Variants in GALNTL5 observed in about 807,000 individuals in gnomAD.
GALNTL5 encodes polypeptide N-acetylgalactosaminyltransferase like 5.
GALNTL5 carries 44 observed loss-of-function variants against 51.0 expected under a neutral mutation model. The ratio of observed to expected loss-of-function variants is 0.86; its 90% CI spans 0.68 to 1.11. The LOEUF (loss-of-function observed/expected upper bound fraction) is 1.11, where lower values mean the gene tolerates loss of function less well. Among genes scored for constraint, GALNTL5 ranks in the 50% least tolerant of loss-of-function variants. GALNTL5 has a pLI of 0.00. For synonymous variants in GALNTL5, 192 were observed against 182.8 expected, an observed-to-expected ratio of 1.05 and a Z score of -0.41; for missense variants, 528 against 531.8, an observed-to-expected ratio of 0.99 and a Z score of 0.07.
chr7:152,012,607 G>A (rs1403987133), intron 7 of GALNTL5, among the ~76,000 whole-genome samples: 2 of 152,194 alleles, frequency 1.3e-5, no homozygotes, highest in Non-Finnish European at 2.9e-5. Flanking sequence ...ACACATGCAT[G>A]CCTATGTTCT....
intron 6 of GALNTL5, among the ~76,000 whole-genome samples, chr7:152,007,003 A>G (rs533187792): frequency 5.1e-4 from 78 of 152,168 alleles, no homozygotes; most frequent in African/African-American, 1.6e-3. Flanking sequence ...CCTGACCTCA[A>G]ATGATCCACC....
At chr7:152,011,060 C>G (rs745915535) in intron 7 of GALNTL5, among the ~76,000 whole-genome samples, 1 of 152,180 alleles carries the variant, frequency 6.6e-6, no homozygotes, top group Non-Finnish European at 1.5e-5. Context: ...AGAAACCGAG[C>G]CACAGAGAGG....
intron 8 of GALNTL5, among the ~76,000 whole-genome samples, chr7:152,017,038 C>CAAAAAAAAAAA (rs201395203): frequency 8.6e-6 from 1 of 116,662 alleles, no homozygotes. Flanking sequence ...AGCTCCATCT[C>CAAAAAAAAAAA]AAAAAAAAAA....
At chr7:152,009,104 G>A (rs114174633) in intron 7 of GALNTL5, among the ~76,000 whole-genome samples, 126 of 152,278 alleles carry the variant, frequency 8.3e-4, no homozygotes, top group African/African-American at 3.0e-3. Flanking sequence ...ATACTTGGGT[G>A]TCTTTTTATA....
At chr7:152,011,064 A>C (rs2081731749) in intron 7 of GALNTL5, among the ~76,000 whole-genome samples, 2 of 152,214 alleles carry the variant, frequency 1.3e-5, no homozygotes, top group South Asian at 4.1e-4. Flanking sequence ...ACCGAGCCAC[A>C]GAGAGGTTGA....
intron 1 of GALNTL5, among the ~76,000 whole-genome samples, chr7:151,961,328 G>T (rs1263510604): frequency 7.0e-6 from 1 of 142,830 alleles, no homozygotes; most frequent in Non-Finnish European, 1.5e-5. Context: ...ATGGCAAAAC[G>T]CCAACTCTAC....
chr7:151,985,762 C>T (rs2081353096), intron 4 of GALNTL5: 1 of 152,876 alleles, frequency 6.5e-6, no homozygotes, highest in Non-Finnish European at 1.5e-5. Flanking sequence ...GGGCCTGGCT[C>T]ATGGCGTCCC....
chr7:151,998,668 A>G (rs2081530570), intron 5 of GALNTL5, among the ~76,000 whole-genome samples: 2 of 150,830 alleles, frequency 1.3e-5, no homozygotes, highest in African/African-American at 4.9e-5. Context: ...GCTACTTGGG[A>G]GGCTGAAGCA....
intron 5 of GALNTL5, among the ~76,000 whole-genome samples, chr7:151,987,842 G>A (rs901895672): frequency 2.0e-5 from 3 of 152,208 alleles, no homozygotes; most frequent in African/African-American, 7.2e-5. Context: ...AAGGCTCAGT[G>A]GGCTAGGGGG....
rs779261153 is a variant in GALNTL5 at position 151,987,228 on chromosome 7, AAAAG to A, written c.607_610del (p.Lys203GlufsTer4). On this transcript the variant is annotated frameshift_variant, in exon 5 of 9. Coordinates refer to ENST00000392800, the MANE Select transcript of GALNTL5 (RefSeq NM_145292.4). LOFTEE classifies it high-confidence loss of function. ...GGAAAGGTTAAAATAATAAGAAACA[AAAAG>A]AGAGAGGGGCTGATTCGAGCAAGGC... 44 of 1,601,350 alleles carry A rather than the reference AAAAG, an allele frequency of 2.7e-5. No individual in the cohort carries two copies. The highest frequency in any genetic ancestry group is 3.7e-5 in the Non-Finnish European group (43 of 1,176,248).
At chr7:151,974,796 G>T (rs771265896) in intron 3 of GALNTL5, among the ~76,000 whole-genome samples, 4 of 152,062 alleles carry the variant, frequency 2.6e-5, no homozygotes, top group Admixed American at 1.3e-4. Flanking sequence ...GATTGCTTTT[G>T]CTTCCCTTCC....
chr7:151,987,413 C>A, intron 5 of GALNTL5, 132 bp downstream of exon 5: 1 of 747,206 alleles, frequency 1.3e-6, no homozygotes, highest in Non-Finnish European at 2.0e-6. Context: ...CTATTCCAGC[C>A]ATATGAGCCT....
At chr7:152,006,508 A>G (rs2081645232) in intron 6 of GALNTL5, among the ~76,000 whole-genome samples, 1 of 152,076 alleles carries the variant, frequency 6.6e-6, no homozygotes, top group South Asian at 2.1e-4. Flanking sequence ...TGCAGTAGGC[A>G]CCCCACACCC....
chr7:152,018,910 A>G (rs1319364512), intron 8 of GALNTL5, among the ~76,000 whole-genome samples: 1 of 152,206 alleles, frequency 6.6e-6, no homozygotes, highest in Non-Finnish European at 1.5e-5. Flanking sequence ...CAGGCCTGGG[A>G]AAACACAGAT....
chr7:151,988,972 T>G (rs538909329), intron 5 of GALNTL5, among the ~76,000 whole-genome samples: 1 of 152,074 alleles, frequency 6.6e-6, no homozygotes, highest in African/African-American at 2.4e-5. Context: ...AGTGCTGAGA[T>G]TACTGTCGTG....
chr7:151,981,017 T>C (rs1024717062), intron 3 of GALNTL5, among the ~76,000 whole-genome samples: 3 of 151,974 alleles, frequency 2.0e-5, no homozygotes, highest in Admixed American at 6.6e-5. Context: ...AGTGCTGGGA[T>C]TACAGGCTTG....
At chr7:151,970,666 A>G (rs1381344692) in intron 2 of GALNTL5, 1 of 234,728 alleles carries the variant, frequency 4.3e-6, no homozygotes, top group Non-Finnish European at 8.4e-6. Context: ...GGCCCCCACC[A>G]GGAGCAGATG....
chr7:151,981,045 A>T (rs879485016), intron 3 of GALNTL5, among the ~76,000 whole-genome samples: 34 of 152,248 alleles, frequency 2.2e-4, no homozygotes, highest in Non-Finnish European at 4.0e-4. Flanking sequence ...GCGCCCGGCC[A>T]CAATGATTTT....
intron 5 of GALNTL5, among the ~76,000 whole-genome samples, chr7:151,988,274 G>A (rs1338218364): frequency 1.3e-5 from 2 of 152,188 alleles, no homozygotes; most frequent in East Asian, 3.9e-4. Context: ...ACGCTGCTGG[G>A]CGGCTGAGTC....
Sources: gnomAD v4.1 joint callset for allele counts (sites outside exome capture counted in the v4.1 genomes callset) on GRCh38, gnomAD v4.1.1 for gene constraint, MANE v1.5 for transcripts, NCBI Gene and HGNC (gene_info 2026-07-23, HGNC 2026-07-21) for gene names.